SEPTIN10: variants seen among roughly 807,000 people sequenced by gnomAD.
SEPTIN10 encodes septin-10.
A neutral mutation model predicts 54.8 loss-of-function variants in SEPTIN10; 66 were observed. The observed-to-expected ratio is 1.21, with a 90% CI of 0.99 to 1.48. The LOEUF is 1.48. Ranked by LOEUF, SEPTIN10 falls within the 40% of genes most tolerant of loss-of-function variation. The pLI is 0.00. For synonymous variants in SEPTIN10, 161 were observed against 181.0 expected (o/e 0.89, Z 0.89); for missense variants, 620 against 545.6 (o/e 1.14, Z -1.36).
chr2:109,553,810 C>T (rs1374451628), intron 8 of SEPTIN10, among the ~76,000 whole-genome samples: 4 of 149,414 alleles, frequency 2.7e-5, no homozygotes, highest in Middle Eastern at 3.5e-3. Flanking sequence ...GCCAAGATCG[C>T]GCCACTGCAT....
chr2:109,602,715 C>T (rs1015839113), intron 1 of SEPTIN10, among the ~76,000 whole-genome samples: 2 of 149,710 alleles, frequency 1.3e-5, no homozygotes, highest in South Asian at 2.1e-4. Context: ...CTAGATGGCT[C>T]GAATTCCTTC....
intron 1 of SEPTIN10, among the ~76,000 whole-genome samples, chr2:109,606,812 T>C (rs1468569721): frequency 2.0e-5 from 3 of 150,850 alleles, no homozygotes; most frequent in Admixed American, 6.7e-5. Flanking sequence ...CCCGAGTAGC[T>C]GGGACTACAG....
rs867246783 is a variant in SEPTIN10, at chr2:109,613,940, C to A, written c.-113G>T. On this transcript the variant is annotated 5_prime_UTR_variant, in exon 1 of 11. Transcript: ENST00000397712. The stretch of plus-strand genomic sequence containing the variant: ...CAGAAGCAACGGGCGGGGCGCGAGG[C>A]TAGGCTGCCTCCGCGACGGGGAAGG... 1 of 1,209,386 alleles carries A rather than the reference C, an allele frequency of 8.3e-7. No homozygotes were observed. The highest frequency in any genetic ancestry group is 1.0e-6 in the Non-Finnish European group (1 of 973,196). The allele number at this position is 1,209,386 out of a possible 1,614,324, so 74.9% of individuals were successfully genotyped here.
At position 109,609,572 on chromosome 2, in the gene SEPTIN10, C is replaced by T. The variant is rs116847905; in HGVS notation, c.30+4226G>A. 9.6e-3 allele frequency among the ~76,000 whole-genome samples: 1,419 copies of T among 147,902 alleles called. 65 individuals are homozygous for T. The East Asian group carries it at 0.13, about 13-fold the overall frequency. ...CTGAGTCTTTTCACTGCCGAGATCG[C>T]GCCACTGCACTCTAGCCTGGGTGAC... On this transcript the variant is annotated intron_variant, in intron 1 of 10. Transcript: ENST00000397712.
chr2:109,547,857 C>T (rs1315361402), intron 9 of SEPTIN10, among the ~76,000 whole-genome samples: 2 of 152,206 alleles, frequency 1.3e-5, no homozygotes, highest in African/African-American at 4.8e-5. Context: ...GGAAACTCAG[C>T]TTGCTCCAGC....
intron 5 of SEPTIN10, among the ~76,000 whole-genome samples, chr2:109,572,414 C>T (rs1206959951): frequency 7.3e-5 from 11 of 151,380 alleles, no homozygotes; most frequent in South Asian, 2.1e-4. Context: ...GTTACAGGCA[C>T]GAGCCACCGT....
chr2:109,583,036 A>T (rs1364291696), intron 4 of SEPTIN10, among the ~76,000 whole-genome samples: 2 of 152,242 alleles, frequency 1.3e-5, no homozygotes, highest in Non-Finnish European at 2.9e-5. Flanking sequence ...CTCAAGATGG[A>T]TTAAAGACTG....
Position 109,543,708 on chromosome 2 carries a change from A to G in SEPTIN10, c.*601T>C, listed in dbSNP as rs1680477528. On this transcript the variant is annotated 3_prime_UTR_variant, in exon 11 of 11. Coordinates refer to ENST00000397712, the MANE Select transcript of SEPTIN10 (RefSeq NM_144710.5). ...TTTGGTATAATGCACTGCAGTGACA[A>G]TAGCTTGGTAGCAAGAGAAAAGATT... 1 of 156,486 alleles carries G rather than the reference A, an allele frequency of 6.4e-6. No homozygotes were observed. Among genetic ancestry groups the G allele is most frequent in the Non-Finnish European group, 1.4e-5 (1 of 71,106 alleles). 9.7% of individuals were successfully genotyped at this position (156,486 alleles called of 1,614,324 possible).
chr2:109,606,422 AAAAAT>A (rs1402417916), intron 1 of SEPTIN10, among the ~76,000 whole-genome samples: 5 of 152,160 alleles, frequency 3.3e-5, no homozygotes, highest in Non-Finnish European at 7.3e-5. Context: ...TCAAAAAACA[AAAAAT>A]AAAAAATAAA....
At chr2:109,568,109 G>A (rs975556132) in intron 5 of SEPTIN10, 133 bp from the exon 6 acceptor site, 18 of 645,204 alleles carry the variant, frequency 2.8e-5, no homozygotes, top group African/African-American at 1.8e-4. Context: ...GGCAAACTAC[G>A]GTCCATCTCG....
intron 1 of SEPTIN10, among the ~76,000 whole-genome samples, chr2:109,603,648 A>T (rs1697189843): frequency 6.6e-6 from 1 of 152,160 alleles, no homozygotes; most frequent in African/African-American, 2.4e-5. Context: ...ATCTTAGTAC[A>T]ATTGGGAGAC....
At chr2:109,581,319 C>T (rs28658552) in intron 4 of SEPTIN10, among the ~76,000 whole-genome samples, 2,713 of 152,068 alleles carry the variant, frequency 0.018, 72 homozygotes, top group African/African-American at 0.061. Context: ...CACCTGTAAT[C>T]CCAGCTGTTT....
At chr2:109,587,369 TTG>T (rs1558836128) in intron 2 of SEPTIN10, among the ~76,000 whole-genome samples, 5 of 152,066 alleles carry the variant, frequency 3.3e-5, no homozygotes, top group African/African-American at 1.2e-4. Flanking sequence ...TCTTAAAAAC[TTG>T]TGTGAGAGTA....
intron 2 of SEPTIN10, among the ~76,000 whole-genome samples, chr2:109,586,810 C>G (rs748264355): frequency 6.6e-6 from 1 of 152,160 alleles, no homozygotes; most frequent in East Asian, 1.9e-4. Flanking sequence ...AGGTCCATAA[C>G]TCAGCAATCA....
intron 9 of SEPTIN10, chr2:109,552,866 C>T (rs1241813780): frequency 2.0e-6 from 1 of 491,546 alleles, no homozygotes; most frequent in Non-Finnish European, 3.5e-6. Flanking sequence ...CGATTAGTGA[C>T]TCCATAAATG....
rs61064446 is a variant in SEPTIN10 at position 109,569,437 on chromosome 2, T to TAA, written c.601-1463_601-1462dup. ...TGGGCAACAAGAGCAAAACTCTTGT[T>TAA]AAAAAAAAAAAAAAAAAAGGAAAAA... On this transcript the variant is annotated intron_variant, in intron 5 of 10. Transcript: ENST00000397712. Among the ~76,000 whole-genome samples, 24 of 131,262 alleles carry TAA rather than the reference T, an allele frequency of 1.8e-4. No homozygotes were observed. In the East Asian group the frequency reaches 2.3e-3, roughly 13 times the overall value. 86.1% of individuals were successfully genotyped at this position (131,262 alleles called of 152,430 possible).
intron 1 of SEPTIN10, among the ~76,000 whole-genome samples, chr2:109,612,174 C>G (rs1013583097): frequency 2.6e-5 from 4 of 151,640 alleles, no homozygotes; most frequent in African/African-American, 9.7e-5. Flanking sequence ...ATCTCCAGAA[C>G]TTTGCTGAGT....
chr2:109,564,129 A>G (rs1686344620), intron 8 of SEPTIN10: 1 of 380,094 alleles, frequency 2.6e-6, no homozygotes, highest in African/African-American at 2.1e-5. Context: ...TCTGCCATAC[A>G]TTCTTCATCA....
In SEPTIN10 at chr2:109,543,272, A is replaced by C. The variant is rs1237063352; in HGVS notation, c.*1037T>G. On this transcript the variant is annotated 3_prime_UTR_variant, in exon 11 of 11. Coordinates refer to ENST00000397712, the MANE Select transcript of SEPTIN10 (RefSeq NM_144710.5). ...TACCCTGGAAGACAGAGTTTAAACA[A>C]GTATGTAATGAAAAGTTTTCCTAAT... is the stretch of plus-strand genomic sequence containing the variant. 2.6e-5 allele frequency: 4 copies of C among 152,474 alleles called. No individual in the cohort carries two copies. The highest frequency in any genetic ancestry group is 3.2e-3 in the Middle Eastern group (1 of 314). The allele number at this position is 152,474 out of a possible 1,614,324, so 9.4% of individuals were successfully genotyped here.
Sources: gnomAD v4.1 joint callset for allele counts (sites outside exome capture counted in the v4.1 genomes callset) on GRCh38, gnomAD v4.1.1 for gene constraint, MANE v1.5 for transcripts, NCBI Gene and HGNC (gene_info 2026-07-23, HGNC 2026-07-21) for gene names.